The following PDE4D variants were observed in gnomAD, a reference collection of about 807,000 sequenced individuals.
PDE4D encodes the protein phosphodiesterase 4D.
Under a neutral mutation model 87.4 loss-of-function variants are expected in PDE4D, and 24 were observed. That is an observed-to-expected ratio of 0.27 (90% confidence interval 0.20 to 0.39). The LOEUF is 0.39. Among genes scored for constraint, PDE4D ranks in the 10% least tolerant of loss-of-function variants. The pLI is 1.00. For synonymous variants in PDE4D, 384 were observed against 383.2 expected (o/e 1.00, Z -0.02); for missense variants, 714 against 1,041.0 (o/e 0.69, Z 4.32).
At chr5:60,196,492 C>G (rs566723890) in intron 1 of PDE4D, among the ~76,000 whole-genome samples, 3 of 151,844 alleles carry the variant, frequency 2.0e-5, no homozygotes, top group African/African-American at 7.2e-5. Context: ...CCTCCCACTG[C>G]CTCATTATGG....
intron 1 of PDE4D, among the ~76,000 whole-genome samples, chr5:59,355,752 T>C (rs78599644): frequency 0.017 from 2,541 of 152,284 alleles, 37 homozygotes; most frequent in Non-Finnish European, 0.027. Flanking sequence ...TCTCTGATTT[T>C]ATAGTTCCCT....
intron 3 of PDE4D, among the ~76,000 whole-genome samples, chr5:59,191,473 T>C (rs1325965556): frequency 6.6e-6 from 1 of 152,130 alleles, no homozygotes; most frequent in African/African-American, 2.4e-5. Context: ...ATTGGAATGA[T>C]TGGTTCTATG....
At chr5:60,029,769 G>GCAGAC in intron 2 of PDE4D, among the ~76,000 whole-genome samples, 1 of 152,054 alleles carries the variant, frequency 6.6e-6, no homozygotes, top group Non-Finnish European at 1.5e-5. Flanking sequence ...CATCAGTTAG[G>GCAGAC]CAGACTGAAG....
At chr5:59,195,919 ACCCTGTG>A (rs1745359766) in intron 2 of PDE4D, among the ~76,000 whole-genome samples, 1 of 152,160 alleles carries the variant, frequency 6.6e-6, no homozygotes, top group Non-Finnish European at 1.5e-5. Context: ...GACTCTTGAG[ACCCTGTG>A]ACAGGTCTAT....
At chr5:60,446,327 C>T (rs994425309) in intron 1 of PDE4D, among the ~76,000 whole-genome samples, 2 of 152,102 alleles carry the variant, frequency 1.3e-5, no homozygotes, top group Admixed American at 1.3e-4. Context: ...CCAGGAGATA[C>T]ACAATAATTT....
At chr5:59,790,268 A>G (rs1581121610) in intron 1 of PDE4D, among the ~76,000 whole-genome samples, 1 of 152,210 alleles carries the variant, frequency 6.6e-6, no homozygotes, top group East Asian at 1.9e-4. Flanking sequence ...TATTTCAGTT[A>G]TTGAAAAAAG....
chr5:60,462,548 C>G (rs561846391), intron 1 of PDE4D, among the ~76,000 whole-genome samples: 2 of 152,122 alleles, frequency 1.3e-5, no homozygotes, highest in Admixed American at 1.3e-4. Flanking sequence ...AAAATCTCCT[C>G]TCTCTGTTTC....
At chr5:59,314,949 G>C (rs182502448) in intron 1 of PDE4D, 1 of 152,196 alleles carries the variant, frequency 6.6e-6, no homozygotes, top group Non-Finnish European at 1.5e-5. Flanking sequence ...CCGCCCGCCT[G>C]TGCACTGCGA....
intron 1 of PDE4D, among the ~76,000 whole-genome samples, chr5:59,491,195 T>C (rs940618420): frequency 6.6e-6 from 1 of 152,206 alleles, no homozygotes; most frequent in Non-Finnish European, 1.5e-5. Context: ...GTTTAAAACA[T>C]CTCATTATTC....
intron 1 of PDE4D, among the ~76,000 whole-genome samples, chr5:59,874,561 T>C (rs1748278731): frequency 6.6e-6 from 1 of 152,212 alleles, no homozygotes; most frequent in Non-Finnish European, 1.5e-5. Flanking sequence ...CTACTGGTTA[T>C]GATTTCTTAT....
At chr5:59,230,511 T>A (rs961610541) in intron 1 of PDE4D, among the ~76,000 whole-genome samples, 1 of 152,212 alleles carries the variant, frequency 6.6e-6, no homozygotes, top group African/African-American at 2.4e-5. Context: ...AATGATTGAA[T>A]GATAAATCCT....
At chr5:59,640,907 T>G (rs898256792) in intron 1 of PDE4D, among the ~76,000 whole-genome samples, 2 of 152,218 alleles carry the variant, frequency 1.3e-5, no homozygotes, top group Non-Finnish European at 2.9e-5. Flanking sequence ...ATGGTTCAGA[T>G]TTAAGGCAAT....
chr5:60,182,028 TAGTC>T (rs1470361114), intron 2 of PDE4D, among the ~76,000 whole-genome samples: 2 of 152,162 alleles, frequency 1.3e-5, no homozygotes, highest in African/African-American at 4.8e-5. Context: ...GTAACTGAGA[TAGTC>T]AGTTCTGAAA....
At chr5:59,017,202 T>G (rs1200999756) in intron 6 of PDE4D, among the ~76,000 whole-genome samples, 3 of 152,178 alleles carry the variant, frequency 2.0e-5, no homozygotes, top group African/African-American at 7.2e-5. Flanking sequence ...AGGATACCAT[T>G]AGAAGGTTCT....
rs1400477813 is a variant in PDE4D at position 59,172,028 on chromosome 5, AATATATATTATATATATAATAT to A, written c.808+8545_808+8566del. Among the ~76,000 whole-genome samples the A allele has an allele frequency of 3.9e-3, 32 of 8,250 alleles. 4 individuals carry two copies. Among genetic ancestry groups the A allele is most frequent in the East Asian group, 0.026 (20 of 774 alleles). 5.4% of individuals were successfully genotyped at this position (8,250 alleles called of 152,430 possible). On this transcript the variant is annotated intron_variant, in intron 5 of 14. Transcript: ENST00000340635. ...ATAAATATATATTATATATATAATA[AATATATATTATATATATAATAT>A]ATATATATTATATATATAATAAATA...
At position 60,388,482 on chromosome 5, in the gene PDE4D, C is replaced by T. The variant is rs111647437; in HGVS notation, c.-90+99460G>A. Reference sequence around the variant, plus strand: ...CATGGTGGTTTGCTGCACCTATTGACCCATCCTCTAAGTTCCCTCCCCTCA... The same window carrying T: ...CATGGTGGTTTGCTGCACCTATTGATCCATCCTCTAAGTTCCCTCCCCTCA... On this transcript the variant is annotated intron_variant, in intron 1 of 16. Coordinates refer to the PDE4D transcript ENST00000502484. Among the ~76,000 whole-genome samples the T allele has an allele frequency of 2.5e-3, 375 of 152,124 alleles. 4 individuals are homozygous for T. The highest frequency in any genetic ancestry group is 8.8e-3 in the African/African-American group (364 of 41,490).
At chr5:59,537,365 C>G (rs1159353515) in intron 1 of PDE4D, among the ~76,000 whole-genome samples, 1 of 152,120 alleles carries the variant, frequency 6.6e-6, no homozygotes, top group Admixed American at 6.6e-5. Context: ...ATCTCCTTAG[C>G]CGACCAAAGT....
chr5:59,555,049 C>T (rs941746749), intron 1 of PDE4D, among the ~76,000 whole-genome samples: 3 of 152,096 alleles, frequency 2.0e-5, no homozygotes, highest in South Asian at 4.1e-4. Flanking sequence ...GGCACATGCA[C>T]ACATATGTTC....
chr5:59,573,363 C>T lies in PDE4D; in HGVS notation c.455+319805G>A, dbSNP rs150783341. On this transcript the variant is annotated intron_variant, in intron 1 of 14. Coordinates refer to ENST00000340635, the MANE Select transcript of PDE4D (RefSeq NM_001104631.2). ...CCATCAAAATCACTTACTTCAGGTACTCCTGAGGCTTCAAGTAAGACATAC... is the reference window on the plus strand; with the variant it reads ...CCATCAAAATCACTTACTTCAGGTATTCCTGAGGCTTCAAGTAAGACATAC... Among the ~76,000 whole-genome samples, 7 of 152,250 alleles carry T rather than the reference C, an allele frequency of 4.6e-5. No individual in the cohort carries two copies. In the East Asian group the frequency reaches 1.4e-3, roughly 29 times the overall value.
Sources: allele counts gnomAD v4.1 joint callset (sites outside exome capture counted in the v4.1 genomes callset), GRCh38; gene constraint gnomAD v4.1.1; transcripts MANE v1.5; gene names NCBI Gene and HGNC (gene_info 2026-07-23, HGNC 2026-07-21).